The following UVSSA variants were observed in gnomAD, a reference collection of about 807,000 sequenced individuals.
UVSSA encodes the protein UV stimulated scaffold protein A, also known as UV-stimulated scaffold protein A.
In UVSSA, 72 loss-of-function variants were observed where a neutral mutation model predicts 73.9. The observed-to-expected ratio is 0.97, with a 90% CI of 0.81 to 1.19. UVSSA has a LOEUF of 1.19. Among genes scored for constraint, UVSSA ranks in the 50% most tolerant of loss-of-function variants. The pLI is 0.00. For synonymous variants in UVSSA, 454 were observed against 391.3 expected (o/e 1.16, Z -1.89); for missense variants, 1,150 against 965.0 (o/e 1.19, Z -2.54).
At chr4:1,381,694 T>TC (rs1719522277) in intron 12 of UVSSA, among the ~76,000 whole-genome samples, 1 of 150,866 alleles carries the variant, frequency 6.6e-6, no homozygotes, top group Non-Finnish European at 1.5e-5. Context: ...GGCTTTTTTT[T>TC]TTTTTTTTTT....
chr4:1,348,804 C>T (rs1714150814), intron 2 of UVSSA, among the ~76,000 whole-genome samples: 2 of 152,198 alleles, frequency 1.3e-5, no homozygotes, highest in South Asian at 4.1e-4. Flanking sequence ...GTTTTGTGGC[C>T]TGCGCCAGGA....
intron 7 of UVSSA, chr4:1,359,127 C>T (rs1295773410): frequency 1.3e-5 from 2 of 152,368 alleles, no homozygotes; most frequent in African/African-American, 4.8e-5. Context: ...TCAGAAAATA[C>T]TTAGGCGGGT....
intron 10 of UVSSA, among the ~76,000 whole-genome samples, chr4:1,378,207 G>A (rs568123708): frequency 9.2e-5 from 14 of 152,318 alleles, no homozygotes; most frequent in South Asian, 2.1e-4. Context: ...GGCTGATGGG[G>A]GTGGCGGCCA....
intron 10 of UVSSA, among the ~76,000 whole-genome samples, chr4:1,378,789 G>A (rs1054792987): frequency 1.2e-4 from 19 of 152,316 alleles, no homozygotes; most frequent in South Asian, 1.2e-3. Context: ...AGGCACCCTC[G>A]GGGGAGCCGC....
chr4:1,356,349 C>T (rs1391166033), intron 7 of UVSSA, among the ~76,000 whole-genome samples: 1 of 152,258 alleles, frequency 6.6e-6, no homozygotes, highest in African/African-American at 2.4e-5. Flanking sequence ...AGTGGCCCCG[C>T]GTCCCCAACG....
At chr4:1,360,813 TAAG>T (rs1304642631) in intron 7 of UVSSA, among the ~76,000 whole-genome samples, 1 of 152,216 alleles carries the variant, frequency 6.6e-6, no homozygotes, top group Admixed American at 6.5e-5. Context: ...CCAGATGTTC[TAAG>T]AAGTCATTCC....
intron 7 of UVSSA, among the ~76,000 whole-genome samples, chr4:1,355,813 T>C (rs1266647511): frequency 6.6e-6 from 1 of 151,040 alleles, no homozygotes; most frequent in African/African-American, 2.4e-5. Context: ...TGGAGGGAGG[T>C]TTGGGGTGCC....
Position 1,355,224 on chromosome 4 carries a change from T to C in UVSSA, c.1155T>C (p.Pro385=). The change falls in exon 7 of 14, where the codon CCT becomes CCC. Residue 385 remains proline (P), a synonymous_variant. Transcript: ENST00000389851. The part of the protein sequence containing the change: ...LRKYKELDIE[P]EGGERRRTEA... ...AATACAAGGAGCTGGACATCGAGCCTGAGGGAGGGGAAAGGCGCAGGGTGA... is the reference window on the plus strand; with the variant it reads ...AATACAAGGAGCTGGACATCGAGCCCGAGGGAGGGGAAAGGCGCAGGGTGA... The C allele has an allele frequency of 6.2e-7, 1 of 1,610,956 alleles. No individual in the cohort carries two copies. Among genetic ancestry groups the C allele is most frequent in the Non-Finnish European group, 8.5e-7 (1 of 1,178,874 alleles).
At position 1,395,718 on chromosome 4, in the gene UVSSA, T is replaced by C. The variant is rs1015944818; in HGVS notation, c.*9757T>C. The C allele has an allele frequency of 2.5e-6, 4 of 1,614,034 alleles. No individual in the cohort carries two copies. The African/African-American group carries it at 4.0e-5, about 16-fold the overall frequency. On this transcript the variant is annotated 3_prime_UTR_variant, in exon 14 of 14. Transcript: ENST00000511216. ...CGCCTGCTCACACAAAGCCCTGGCA[T>C]GGTGGTTCTGTAGGTTTCCTGTCCT...
intron 12 of UVSSA, among the ~76,000 whole-genome samples, chr4:1,381,569 G>A (rs189719945): frequency 3.9e-4 from 60 of 152,060 alleles, no homozygotes; most frequent in Middle Eastern, 3.4e-3. Flanking sequence ...CCATCTGCCC[G>A]CCCTGCCTCC....
intron 7 of UVSSA, among the ~76,000 whole-genome samples, chr4:1,360,152 C>A (rs1388526184): frequency 6.6e-6 from 1 of 152,224 alleles, no homozygotes; most frequent in Non-Finnish European, 1.5e-5. Flanking sequence ...CCGCTGTGTG[C>A]GCCACCGCAT....
chr4:1,375,439 C>G lies in UVSSA; in HGVS notation c.1364C>G (p.Ser455Trp), dbSNP rs202127588. ...AGGACGAGGATGGACGAGGAGGTGTCGGACCCCACCTCTGCGGCTGCTCAG... is the reference window on the plus strand; with the variant it reads ...AGGACGAGGATGGACGAGGAGGTGTGGGACCCCACCTCTGCGGCTGCTCAG... Reference protein sequence around the residue: ...RTRTRMDEEVSDPTSAAAQLR... With the variant: ...RTRTRMDEEVWDPTSAAAQLR... Residue 455 changes from serine to tryptophan, a missense_variant, in exon 9 of 14, where the codon TCG becomes TGG. Coordinates refer to ENST00000389851, the MANE Select transcript of UVSSA (RefSeq NM_020894.4). 2 of 1,613,192 alleles carry G rather than the reference C, an allele frequency of 1.2e-6. No individual in the cohort carries two copies. Among genetic ancestry groups the G allele is most frequent in the African/African-American group, 2.7e-5 (2 of 74,916 alleles).
At chr4:1,344,412 G>A (rs368571066), upstream of UVSSA, among the ~76,000 whole-genome samples, 102 of 152,162 alleles carry the variant, frequency 6.7e-4, 3 homozygotes, top group South Asian at 0.015. Context: ...TTAGCTGGGC[G>A]TGGTGGTGGG....
intron 7 of UVSSA, chr4:1,359,482 A>G (rs1296451982): frequency 6.6e-6 from 1 of 152,246 alleles, no homozygotes; most frequent in Non-Finnish European, 1.5e-5. Context: ...TTGTGTAATT[A>G]ACAAAATATT....
intron 7 of UVSSA, among the ~76,000 whole-genome samples, chr4:1,365,816 G>A (rs73793383): frequency 0.12 from 18,529 of 151,698 alleles, 2,012 homozygotes; most frequent in East Asian, 0.42. Flanking sequence ...AGCCCCGGGG[G>A]CACCGCAGAC....
At chr4:1,379,181 AG>A (rs1189776666) in intron 10 of UVSSA, among the ~76,000 whole-genome samples, 1 of 152,230 alleles carries the variant, frequency 6.6e-6, no homozygotes, top group Non-Finnish European at 1.5e-5. Context: ...GGCAATGAGC[AG>A]CCTCTCATCA....
At chr4:1,373,266 G>A (rs370204254) in intron 8 of UVSSA, among the ~76,000 whole-genome samples, 17 of 152,304 alleles carry the variant, frequency 1.1e-4, no homozygotes, top group East Asian at 9.7e-4. Context: ...GAGCCAGTCC[G>A]AGTCTCAAAA....
Position 1,383,950 on chromosome 4 carries a change from G to T in UVSSA, c.2036+10G>T. Reference sequence around the variant, plus strand: ...GAAAAGTCTTCGCCAAGTAAGAGTGGCTGCTGGGTCACCTCCCACCGCGTG... The same window carrying T: ...GAAAAGTCTTCGCCAAGTAAGAGTGTCTGCTGGGTCACCTCCCACCGCGTG... On this transcript the variant is annotated intron_variant, in intron 13 of 13. Transcript: ENST00000389851. The T allele has an allele frequency of 3.7e-6, 6 of 1,606,516 alleles. No individual in the cohort carries two copies. Among genetic ancestry groups the T allele is most frequent in the Non-Finnish European group, 5.1e-6 (6 of 1,177,024 alleles).
In UVSSA at chr4:1,387,945, A is replaced by C. The variant is rs367886266; in HGVS notation, c.*1984A>C. 4.8e-4 allele frequency: 67 copies of C among 139,038 alleles called. No individual in the cohort carries two copies. The highest frequency in any genetic ancestry group is 1.6e-3 in the African/African-American group (60 of 37,384). 8.6% of individuals were successfully genotyped at this position (139,038 alleles called of 1,614,324 possible). A position where few individuals can be genotyped will look rare whatever the true frequency, so the allele number is the denominator to read the frequency against. On this transcript the variant is annotated 3_prime_UTR_variant, in exon 14 of 14. Coordinates refer to ENST00000389851, the MANE Select transcript of UVSSA (RefSeq NM_020894.4). ...TTAGGATCCACTCATCAGTTTCTTCAAAAAAAAAAAAAAAGCAGCTGAGAT... is the reference window on the plus strand; with the variant it reads ...TTAGGATCCACTCATCAGTTTCTTCCAAAAAAAAAAAAAAGCAGCTGAGAT...
Sources: allele counts gnomAD v4.1 joint callset (sites outside exome capture counted in the v4.1 genomes callset), GRCh38; gene constraint gnomAD v4.1.1; transcripts MANE v1.5; gene names NCBI Gene and HGNC (gene_info 2026-07-23, HGNC 2026-07-21).